SLC26A3: variants seen among roughly 807,000 people sequenced by gnomAD.
SLC26A3 encodes solute carrier family 26 member 3, also known as chloride anion exchanger.
In SLC26A3, 64 loss-of-function variants were observed where a neutral mutation model predicts 85.6. That is an observed-to-expected ratio of 0.75 (90% confidence interval 0.61 to 0.92). SLC26A3 has a LOEUF of 0.92. Ranked by LOEUF, SLC26A3 falls within the 40% of genes least tolerant of loss-of-function variation. SLC26A3 has a pLI of 0.00. For synonymous variants in SLC26A3, 349 were observed against 336.0 expected (o/e 1.04, Z -0.42); for missense variants, 922 against 927.3 (o/e 0.99, Z 0.07).
chr7:107,778,212 C>A lies in SLC26A3; in HGVS notation c.1477G>T (p.Ala493Ser). 6.2e-7 allele frequency: 1 copy of A among 1,613,886 alleles called. No individual in the cohort carries two copies. Among genetic ancestry groups the A allele is most frequent in the Non-Finnish European group, 8.5e-7 (1 of 1,179,850 alleles). Residue 493 changes from alanine (A) to serine (S), a missense_variant, in exon 13 of 21, where the codon GCA (alanine) becomes TCA (serine). By Grantham distance (99) the Ala-to-Ser change is moderately conservative. Transcript: ENST00000340010. ...GLGLGLAASV[A>S]FQLLTIVFRT... Reference sequence around the variant, plus strand: ...AACACGATGGTTAGCAGTTGAAATGCCACACTAGCTGCCAGGCCTAACCCG... The same window carrying A: ...AACACGATGGTTAGCAGTTGAAATGACACACTAGCTGCCAGGCCTAACCCG...
chr7:107,789,534 GAA>G lies in SLC26A3; in HGVS notation c.723_724del (p.Ser242AsnfsTer16). 6.2e-7 allele frequency: 1 copy of G among 1,613,972 alleles called. No individual in the cohort carries two copies. Among genetic ancestry groups the G allele is most frequent in the East Asian group, 2.2e-5 (1 of 44,878 alleles). On this transcript the variant is annotated frameshift_variant, in exon 6 of 21. Transcript: ENST00000340010. LOFTEE classifies it high-confidence loss of function. ...GAAAGAAATACTTACTTTGAAAATT[GAA>G]ACTGGATCAGTGTGTGACGGGACTG...
At chr7:107,766,771 C>T (rs918298420) in intron 20 of SLC26A3, among the ~76,000 whole-genome samples, 1 of 152,092 alleles carries the variant, frequency 6.6e-6, no homozygotes, top group African/African-American at 2.4e-5. Context: ...AGATGGTGTA[C>T]TAGAACAGAA....
chr7:107,785,444 T>C (rs1193582930), intron 8 of SLC26A3, among the ~76,000 whole-genome samples: 2 of 152,222 alleles, frequency 1.3e-5, no homozygotes, highest in South Asian at 2.1e-4. Context: ...TGAAAATACA[T>C]TCACTAAATA....
chr7:107,788,616 T>C (rs547846269), intron 6 of SLC26A3, among the ~76,000 whole-genome samples: 62 of 152,198 alleles, frequency 4.1e-4, no homozygotes, highest in African/African-American at 1.3e-3. Flanking sequence ...TAGACTTTTT[T>C]TTTCCTTTTG....
intron 18 of SLC26A3, among the ~76,000 whole-genome samples, chr7:107,769,338 A>G (rs556380783): frequency 6.6e-6 from 1 of 152,336 alleles, no homozygotes; most frequent in African/African-American, 2.4e-5. Flanking sequence ...CCCATCAGTG[A>G]TAGACTGGAT....
At chr7:107,772,895 A>C (rs1278503597) in intron 17 of SLC26A3, among the ~76,000 whole-genome samples, 1 of 152,198 alleles carries the variant, frequency 6.6e-6, no homozygotes, top group Non-Finnish European at 1.5e-5. Flanking sequence ...AACATTTAAA[A>C]AAAATTCTTC....
chr7:107,785,932 T>G (rs1297226308), intron 8 of SLC26A3, among the ~76,000 whole-genome samples: 1 of 152,172 alleles, frequency 6.6e-6, no homozygotes, highest in African/African-American at 2.4e-5. Context: ...GAAAACACCT[T>G]TTCCTTGGTA....
intron 3 of SLC26A3, among the ~76,000 whole-genome samples, chr7:107,792,320 A>C (rs1468932415): frequency 6.6e-6 from 1 of 152,100 alleles, no homozygotes; most frequent in Non-Finnish European, 1.5e-5. Context: ...TTATTATTAC[A>C]TTGTAATATT....
At chr7:107,800,985 T>C (rs911308987) in intron 1 of SLC26A3, among the ~76,000 whole-genome samples, 1 of 152,080 alleles carries the variant, frequency 6.6e-6, no homozygotes, top group African/African-American at 2.4e-5. Context: ...ATTAGAGAAA[T>C]GTTGGGATGC....
intron 8 of SLC26A3, among the ~76,000 whole-genome samples, chr7:107,786,524 C>A (rs141560172): frequency 6.6e-6 from 1 of 151,060 alleles, no homozygotes; most frequent in Non-Finnish European, 1.5e-5. Flanking sequence ...TGAGTTTCTA[C>A]TGGTCTGTGT....
intron 1 of SLC26A3, among the ~76,000 whole-genome samples, chr7:107,801,350 G>A (rs929789666): frequency 6.8e-6 from 1 of 146,812 alleles, no homozygotes; most frequent in African/African-American, 2.6e-5. Context: ...GCACCATCAG[G>A]GTCCTTGCTT....
chr7:107,781,107 A>G (rs1418363878), intron 11 of SLC26A3, among the ~76,000 whole-genome samples: 1 of 152,204 alleles, frequency 6.6e-6, no homozygotes, highest in African/African-American at 2.4e-5. Flanking sequence ...GATGACATAC[A>G]TATACAACAG....
At chr7:107,766,449 C>T (rs539453120) in intron 20 of SLC26A3, among the ~76,000 whole-genome samples, 68 of 152,136 alleles carry the variant, frequency 4.5e-4, no homozygotes, top group African/African-American at 1.4e-3. Context: ...GGCAAGGTGC[C>T]AGTTTTATTG....
chr7:107,792,778 G>A (rs138775764), intron 3 of SLC26A3, among the ~76,000 whole-genome samples: 5 of 152,190 alleles, frequency 3.3e-5, no homozygotes, highest in Non-Finnish European at 5.9e-5. Context: ...GTACTTCAAA[G>A]GATACTATCA....
intron 4 of SLC26A3, among the ~76,000 whole-genome samples, chr7:107,791,593 C>G (rs1388704249): frequency 6.6e-6 from 1 of 151,694 alleles, no homozygotes; most frequent in Non-Finnish European, 1.5e-5. Flanking sequence ...ACCTGGGCCA[C>G]AAGAGCAAAA....
intron 3 of SLC26A3, among the ~76,000 whole-genome samples, chr7:107,792,411 C>T (rs1794418082): frequency 6.6e-6 from 1 of 151,860 alleles, no homozygotes; most frequent in Non-Finnish European, 1.5e-5. Context: ...AGATGGTTCC[C>T]TCTGGGGGTG....
intron 6 of SLC26A3, among the ~76,000 whole-genome samples, chr7:107,788,779 C>CTTTTTTTTTTTTTTTTTTTTTTT (rs1562880003): frequency 8.2e-6 from 1 of 122,156 alleles, no homozygotes. Flanking sequence ...TTTCTTTTTT[C>CTTTTTTTTTTTTTTTTTTTTTTT]TTTTCTTTTT....
rs1794396416 is a variant in SLC26A3, at chr7:107,791,246, G to A, written c.383-11C>T. On this transcript the variant is annotated splice_polypyrimidine_tract_variant and intron_variant, in intron 4 of 20. Transcript: ENST00000340010. ...GAATCGGAAACGGACCTAATTAACA[G>A]TGGGTGAATCGTGGTCAGTATATGC... 1 of 1,613,822 alleles carries A rather than the reference G, an allele frequency of 6.2e-7. No individual in the cohort carries two copies. Among genetic ancestry groups the A allele is most frequent in the Admixed American group, 1.7e-5 (1 of 60,016 alleles).
At chr7:107,802,536 C>T (rs1794617189) in intron 1 of SLC26A3, among the ~76,000 whole-genome samples, 1 of 152,122 alleles carries the variant, frequency 6.6e-6, no homozygotes, top group African/African-American at 2.4e-5. Context: ...CCCCTACCCC[C>T]TCCCTTTTTT....
Sources: allele counts gnomAD v4.1 joint callset (sites outside exome capture counted in the v4.1 genomes callset), GRCh38; gene constraint gnomAD v4.1.1; transcripts MANE v1.5; gene names NCBI Gene and HGNC (gene_info 2026-07-23, HGNC 2026-07-21).